The following ORC2 variants were observed in gnomAD, a reference collection of about 807,000 sequenced individuals.
The protein encoded by ORC2 is origin recognition complex subunit 2, also known as origin recognition complex protein 2 homolog.
ORC2 carries 37 observed loss-of-function variants against 77.7 expected under a neutral mutation model. The ratio of observed to expected loss-of-function variants is 0.48; its 90% CI spans 0.37 to 0.63. The LOEUF (loss-of-function observed/expected upper bound fraction) is 0.63. Among genes scored for constraint, ORC2 ranks in the 20% least tolerant of loss-of-function variants. ORC2 has a pLI of 0.00. For missense variants in ORC2, 557 were observed against 661.9 expected, an observed-to-expected ratio of 0.84 and a Z score of 1.74; for synonymous variants, 201 against 229.5, an observed-to-expected ratio of 0.88 and a Z score of 1.12.
chr2:200,945,201 T>C lies in ORC2; in HGVS notation c.329-2424A>G, dbSNP rs140442871. Among the ~76,000 whole-genome samples the C allele has an allele frequency of 2.7e-4, 41 of 152,352 alleles. No individual in the cohort carries two copies. In the East Asian group the frequency reaches 6.7e-3, roughly 25 times the overall value. ...AGTTTTTATTCTTTTCTTGCTCCTA[T>C]GTCATATTTGTTTTTGATGATATTA... On this transcript the variant is annotated intron_variant, in intron 5 of 17. Transcript: ENST00000234296.
At chr2:200,913,533 CA>C (rs762446301) in intron 16 of ORC2, 120 bp from the exon 17 acceptor site, 8 of 1,384,610 alleles carry the variant, frequency 5.8e-6, no homozygotes, top group Non-Finnish European at 7.5e-6. Context: ...GAGCAGTGAA[CA>C]AGTATTGATA....
chr2:200,919,865 TG>T (rs2040726041), intron 15 of ORC2, among the ~76,000 whole-genome samples: 1 of 152,196 alleles, frequency 6.6e-6, no homozygotes, highest in Admixed American at 6.5e-5. Flanking sequence ...AATGAAGTAA[TG>T]CATATAAAGT....
chr2:200,962,047 G>A (rs902338583), intron 1 of ORC2, among the ~76,000 whole-genome samples: 1 of 152,222 alleles, frequency 6.6e-6, no homozygotes, highest in African/African-American at 2.4e-5. Context: ...TTGTAGCCAA[G>A]TGCATTTATA....
chr2:200,959,704 G>A (rs931707457), intron 1 of ORC2, among the ~76,000 whole-genome samples: 1 of 152,194 alleles, frequency 6.6e-6, no homozygotes, highest in East Asian at 1.9e-4. Flanking sequence ...AGACAGTTTT[G>A]AGTACTCCAT....
At chr2:200,941,161 A>T in intron 7 of ORC2, 87 bp downstream of exon 7, 2 of 1,023,270 alleles carry the variant, frequency 2.0e-6, no homozygotes, top group Non-Finnish European at 3.0e-6. Context: ...AAATTAAGAG[A>T]TCAATTTTTT....
chr2:200,919,200 A>AG (rs1396356295), intron 15 of ORC2, among the ~76,000 whole-genome samples: 4 of 152,188 alleles, frequency 2.6e-5, no homozygotes, highest in African/African-American at 4.8e-5. Context: ...CCAAGAACAC[A>AG]ATATTTCTTT....
intron 5 of ORC2, 61 bp downstream of exon 5, chr2:200,949,493 G>A: frequency 1.2e-6 from 1 of 862,576 alleles, no homozygotes; most frequent in Non-Finnish European, 1.9e-6. Context: ...CATGGGGAAT[G>A]TGGTTAAATC....
intron 15 of ORC2, among the ~76,000 whole-genome samples, chr2:200,917,397 C>A (rs1246529729): frequency 6.6e-6 from 1 of 152,160 alleles, no homozygotes; most frequent in Admixed American, 6.5e-5. Flanking sequence ...TGCAATCTTC[C>A]CTCCTCAGGC....
intron 1 of ORC2, among the ~76,000 whole-genome samples, chr2:200,960,794 T>C (rs77522025): frequency 3.3e-5 from 5 of 152,172 alleles, no homozygotes; most frequent in African/African-American, 4.8e-5. Flanking sequence ...CTTTTTTTTT[T>C]CTAAGATGGA....
intron 5 of ORC2, among the ~76,000 whole-genome samples, chr2:200,945,556 G>T (rs928715081): frequency 6.6e-6 from 1 of 151,820 alleles, no homozygotes; most frequent in East Asian, 1.9e-4. Context: ...GCAATACAGT[G>T]AGACCCTTAA....
chr2:200,912,277 G>A (rs16835570), intron 17 of ORC2, among the ~76,000 whole-genome samples: 2,684 of 152,138 alleles, frequency 0.018, 58 homozygotes, highest in South Asian at 0.025. Context: ...TCTTTCCTCT[G>A]GTTTCTTGTC....
chr2:200,911,481 T>C, intron 17 of ORC2, 94 bp from the exon 18 acceptor site: 1 of 650,358 alleles, frequency 1.5e-6, no homozygotes, highest in Non-Finnish European at 2.6e-6. Context: ...AATTTATTTC[T>C]TGGATGTAAT....
chr2:200,939,693 T>C (rs113257945), intron 7 of ORC2, among the ~76,000 whole-genome samples: 6 of 152,348 alleles, frequency 3.9e-5, no homozygotes, highest in Non-Finnish European at 8.8e-5. Flanking sequence ...CTCTTGAACT[T>C]GCTTTTCTAA....
At chr2:200,940,375 A>G (rs565460719) in intron 7 of ORC2, among the ~76,000 whole-genome samples, 12 of 152,162 alleles carry the variant, frequency 7.9e-5, no homozygotes, top group Non-Finnish European at 1.6e-4. Context: ...TACCCTTTAC[A>G]GACAAACTAA....
intron 4 of ORC2, among the ~76,000 whole-genome samples, chr2:200,955,353 A>AT (rs1458197569): frequency 6.6e-6 from 1 of 152,198 alleles, no homozygotes; most frequent in Non-Finnish European, 1.5e-5. Flanking sequence ...AGCAGTGGTC[A>AT]TTTTTTGTAT....
rs906697420 is a variant in ORC2, at chr2:200,963,646, G to A, written c.-216C>T. On this transcript the variant is annotated 5_prime_UTR_variant, in exon 1 of 18. Transcript: ENST00000234296. ...CACCGGGGAGGTAAGGAGCACCGGA[G>A]GCCAGCTGGGGGATGGGAAGCCTGC... The A allele has an allele frequency of 5.0e-6, 2 of 398,436 alleles. No individual in the cohort carries two copies. Among genetic ancestry groups the A allele is most frequent in the African/African-American group, 2.1e-5 (1 of 48,640 alleles). The allele number at this position is 398,436 out of a possible 1,614,324, so 24.7% of individuals were successfully genotyped here.
At position 200,926,749 on chromosome 2, in the gene ORC2, T is replaced by C. The variant is rs771520400; in HGVS notation, c.1050+19A>G. On this transcript the variant is annotated intron_variant, in intron 12 of 17. Coordinates refer to ENST00000234296, the MANE Select transcript of ORC2 (RefSeq NM_006190.5). Reference sequence around the variant, plus strand: ...GCAGAGGATATAATGTTTTTCCCTTTAACATTTTTGAAACTTACTGATTTC... The same window carrying C: ...GCAGAGGATATAATGTTTTTCCCTTCAACATTTTTGAAACTTACTGATTTC... 3 of 1,611,898 alleles carry C rather than the reference T, an allele frequency of 1.9e-6. No homozygotes were observed. The highest frequency in any genetic ancestry group is 4.5e-5 in the East Asian group (2 of 44,854).
At chr2:200,960,349 A>T (rs2041549489) in intron 1 of ORC2, among the ~76,000 whole-genome samples, 1 of 152,122 alleles carries the variant, frequency 6.6e-6, no homozygotes, top group Admixed American at 6.5e-5. Flanking sequence ...GAAAAATTTT[A>T]AAAATAAAAA....
chr2:200,959,108 G>A (rs2041523835), intron 2 of ORC2, among the ~76,000 whole-genome samples: 2 of 152,024 alleles, frequency 1.3e-5, no homozygotes, highest in Admixed American at 6.6e-5. Context: ...CTCAACCTCT[G>A]AAGTAGTTGG....
Sources: gnomAD v4.1 joint callset for allele counts (sites outside exome capture counted in the v4.1 genomes callset) on GRCh38, gnomAD v4.1.1 for gene constraint, MANE v1.5 for transcripts, NCBI Gene and HGNC (gene_info 2026-07-23, HGNC 2026-07-21) for gene names.